Variants in ZNF600 observed in about 807,000 individuals in gnomAD.
ZNF600 encodes zinc finger protein KR-ZNF1.
A neutral mutation model predicts 7.3 loss-of-function variants in ZNF600; 4 were observed. The observed-to-expected ratio is 0.55, with a 90% CI of 0.27 to 1.25. The LOEUF (loss-of-function observed/expected upper bound fraction) is 1.25. ZNF600 is among the 50% of genes most tolerant of loss of function. The pLI is 0.12. For missense variants in ZNF600, 911 were observed against 922.1 expected (o/e 0.99, Z 0.16); for synonymous variants, 290 against 308.9 (o/e 0.94, Z 0.64).
exon 4 of ZNF600, chr19:52,766,328 G>C (rs2062576345): frequency 6.2e-7 from 1 of 1,614,162 alleles, no homozygotes. Flanking sequence ...CAAAAGCCTT[G>C]TCACAAACCT....
chr19:52,813,444 C>T, the ZNF600 span, among the ~76,000 whole-genome samples: 4 of 120,618 alleles, frequency 3.3e-5, no homozygotes, highest in Non-Finnish European at 4.9e-5. Flanking sequence ...TGCCCCACTT[C>T]GCCCCCGTAG....
At chr19:52,772,140 C>T (rs2062634930) in intron 3 of ZNF600, among the ~76,000 whole-genome samples, 1 of 152,098 alleles carries the variant, frequency 6.6e-6, no homozygotes, top group Admixed American at 6.6e-5. Context: ...TGGAGAAACC[C>T]CATGTCTACT....
intron 2 of ZNF600, among the ~76,000 whole-genome samples, chr19:52,776,018 C>A (rs34727096): frequency 0.74 from 106,589 of 144,434 alleles, 40,129 homozygotes; most frequent in African/African-American, 0.82. Flanking sequence ...AAAAAAAAAA[C>A]CAAAAACCAA....
chr19:52,810,240 A>T, the ZNF600 span: 2 of 1,203,122 alleles, frequency 1.7e-6, no homozygotes, highest in East Asian at 4.7e-5. Flanking sequence ...GAGGAATATG[A>T]GTCTACCTCC....
At chr19:52,825,233 C>T in the ZNF600 span, among the ~76,000 whole-genome samples, 1 of 152,120 alleles carries the variant, frequency 6.6e-6, no homozygotes, top group Non-Finnish European at 1.5e-5. Flanking sequence ...GCCAGTGTGG[C>T]ATTCTTGGTA....
chr19:52,800,029 G>T, the ZNF600 span: 2 of 1,614,184 alleles, frequency 1.2e-6, no homozygotes, highest in Non-Finnish European at 1.7e-6. Flanking sequence ...CACTTGTAAG[G>T]TTTCTCTCCA....
the ZNF600 span, among the ~76,000 whole-genome samples, chr19:52,829,846 C>T: frequency 1.5e-3 from 226 of 152,074 alleles, no homozygotes; most frequent in African/African-American, 5.0e-3. Flanking sequence ...AGTGAAATGA[C>T]GGAGACAGGA....
At chr19:52,817,354 A>G in the ZNF600 span, among the ~76,000 whole-genome samples, 9 of 152,182 alleles carry the variant, frequency 5.9e-5, no homozygotes, top group Admixed American at 5.2e-4. Flanking sequence ...CCTGGATAAC[A>G]AGAGTGAAAC....
the ZNF600 span, among the ~76,000 whole-genome samples, chr19:52,804,989 C>A: frequency 9.2e-5 from 14 of 152,164 alleles, no homozygotes; most frequent in East Asian, 2.1e-3. Flanking sequence ...TTGAGACAGG[C>A]CAGGTGCGGT....
chr19:52,822,643 T>C, the ZNF600 span, among the ~76,000 whole-genome samples: 2 of 152,164 alleles, frequency 1.3e-5, no homozygotes, highest in African/African-American at 4.8e-5. Context: ...GGAAGATTAG[T>C]TGACAACAGC....
At chr19:52,823,791 G>C in the ZNF600 span, among the ~76,000 whole-genome samples, 1 of 152,028 alleles carries the variant, frequency 6.6e-6, no homozygotes, top group Admixed American at 6.6e-5. Flanking sequence ...GGCCAGGCGC[G>C]GTGGTTCAAG....
chr19:52,770,160 G>T (rs2062619871), intron 3 of ZNF600, among the ~76,000 whole-genome samples: 2 of 152,146 alleles, frequency 1.3e-5, no homozygotes, highest in South Asian at 4.1e-4. Flanking sequence ...ATTGACTAAT[G>T]GCTGGTAACG....
the ZNF600 span, among the ~76,000 whole-genome samples, chr19:52,803,149 G>T: frequency 1.3e-5 from 2 of 152,090 alleles, no homozygotes; most frequent in Non-Finnish European, 2.9e-5. Context: ...GTATGATCTT[G>T]GCTCAATGCA....
the ZNF600 span, among the ~76,000 whole-genome samples, chr19:52,813,249 G>GAAAAAAAAAAAAAAAAAAAAAAA: frequency 1.6e-5 from 1 of 62,984 alleles, no homozygotes; most frequent in African/African-American, 6.1e-5. Context: ...CTTGAATGGT[G>GAAAAAAAAAAAAAAAAAAAAAAA]AAAAAAAAAA....
At chr19:52,789,868 A>G (rs543229432), upstream of ZNF600, among the ~76,000 whole-genome samples, 3 of 152,208 alleles carry the variant, frequency 2.0e-5, no homozygotes, top group Admixed American at 6.5e-5. Flanking sequence ...GTCCAAAAAG[A>G]GAGTCAGTGA....
At chr19:52,807,535 G>A in the ZNF600 span, among the ~76,000 whole-genome samples, 1 of 152,170 alleles carries the variant, frequency 6.6e-6, no homozygotes, top group Non-Finnish European at 1.5e-5. Context: ...GTGCAGTGGT[G>A]TGTTCTCAGC....
At chr19:52,817,264 C>A in the ZNF600 span, among the ~76,000 whole-genome samples, 4 of 151,980 alleles carry the variant, frequency 2.6e-5, no homozygotes, top group African/African-American at 7.2e-5. Context: ...GCCAGCTACT[C>A]GGGAGGCTGA....
chr19:52,796,161 T>A, the ZNF600 span, among the ~76,000 whole-genome samples: 155 of 152,242 alleles, frequency 1.0e-3, no homozygotes, highest in Non-Finnish European at 7.8e-4. Context: ...GGCAACAGAA[T>A]GAGACCCATC....
chr19:52,784,121 G>A (rs576858645), intron 1 of ZNF600, among the ~76,000 whole-genome samples: 1 of 152,282 alleles, frequency 6.6e-6, no homozygotes, highest in South Asian at 2.1e-4. Context: ...CGGCATGGCG[G>A]CTCATCCCTG....
Sources: allele counts gnomAD v4.1 joint callset (sites outside exome capture counted in the v4.1 genomes callset), GRCh38; gene constraint gnomAD v4.1.1; transcripts MANE v1.5; gene names NCBI Gene and HGNC (gene_info 2026-07-23, HGNC 2026-07-21).